The following ITPR2 variants were observed in gnomAD, a reference collection of about 807,000 sequenced individuals.
The protein encoded by ITPR2 is inositol 1,4,5-trisphosphate receptor type 2.
In ITPR2, 207 loss-of-function variants were observed where a neutral mutation model predicts 317.1. The ratio of observed to expected loss-of-function variants is 0.65; its 90% confidence interval spans 0.58 to 0.73. ITPR2 has a LOEUF of 0.73. Ranked by LOEUF, ITPR2 falls within the 30% of genes least tolerant of loss-of-function variation. The pLI, the probability that ITPR2 is intolerant of heterozygous loss-of-function variation, is 0.00. For synonymous variants in ITPR2, 1,156 were observed against 1,149.1 expected, an observed-to-expected ratio of 1.01 and a Z score of -0.12; for missense variants, 2,613 against 3,284.0, an observed-to-expected ratio of 0.80 and a Z score of 4.99.
chr12:26,653,462 G>C (rs561065462), intron 21 of ITPR2, among the ~76,000 whole-genome samples: 1 of 152,080 alleles, frequency 6.6e-6, no homozygotes, highest in South Asian at 2.1e-4. Flanking sequence ...GGATGGTCTC[G>C]ATCTCCTGAC....
chr12:26,606,205 G>C (rs888853482), intron 26 of ITPR2, among the ~76,000 whole-genome samples: 12 of 150,230 alleles, frequency 8.0e-5, no homozygotes, highest in African/African-American at 2.9e-4. Context: ...AAAAAAAAGT[G>C]TGACACTTAG....
intron 13 of ITPR2, 83 bp downstream of exon 13, chr12:26,681,791 C>T: frequency 3.0e-6 from 3 of 993,894 alleles, no homozygotes; most frequent in Non-Finnish European, 4.6e-6. Context: ...TGAATATTCC[C>T]TTAGAGTCAT....
intron 1 of ITPR2, among the ~76,000 whole-genome samples, chr12:26,811,403 G>A (rs1408698019): frequency 6.6e-6 from 1 of 151,830 alleles, no homozygotes; most frequent in East Asian, 1.9e-4. Flanking sequence ...GAGGTCAGGA[G>A]ATCGAGACCA....
At chr12:26,518,502 C>T (rs926841398) in intron 37 of ITPR2, among the ~76,000 whole-genome samples, 3 of 151,944 alleles carry the variant, frequency 2.0e-5, no homozygotes, top group Admixed American at 6.6e-5. Flanking sequence ...AACACATGTA[C>T]CCCCGAACCT....
intron 45 of ITPR2, among the ~76,000 whole-genome samples, chr12:26,455,886 T>A (rs548658145): frequency 6.6e-6 from 1 of 152,306 alleles, no homozygotes; most frequent in East Asian, 1.9e-4. Context: ...AGTAAAACAA[T>A]GTTATTAATA....
At chr12:26,353,604 T>C (rs1938546175) in intron 55 of ITPR2, among the ~76,000 whole-genome samples, 1 of 152,254 alleles carries the variant, frequency 6.6e-6, no homozygotes, top group African/African-American at 2.4e-5. Flanking sequence ...TACAACCATT[T>C]TGTGCTTTAG....
At chr12:26,488,704 C>T (rs1480128331) in intron 39 of ITPR2, among the ~76,000 whole-genome samples, 1 of 152,098 alleles carries the variant, frequency 6.6e-6, no homozygotes, top group Non-Finnish European at 1.5e-5. Context: ...ATGAATTAAG[C>T]AGATGATAAA....
chr12:26,490,522 G>A (rs181979188), intron 39 of ITPR2, among the ~76,000 whole-genome samples: 4 of 152,274 alleles, frequency 2.6e-5, no homozygotes, highest in Admixed American at 1.3e-4. Flanking sequence ...AAAATAAAGC[G>A]GCAGAAATGG....
chr12:26,350,426 C>T (rs753698151), intron 55 of ITPR2, among the ~76,000 whole-genome samples: 2 of 152,136 alleles, frequency 1.3e-5, no homozygotes, highest in Admixed American at 1.3e-4. Context: ...TACTAGCCCT[C>T]ATCTGCAAAT....
At chr12:26,577,327 G>T (rs955644041) in intron 34 of ITPR2, among the ~76,000 whole-genome samples, 1 of 152,212 alleles carries the variant, frequency 6.6e-6, no homozygotes, top group African/African-American at 2.4e-5. Context: ...GAGGTGAGGA[G>T]GGTATGTGCA....
rs1196506158 is a variant in ITPR2, at chr12:26,657,767, T to C, written c.2132A>G (p.His711Arg). Residue 711 changes from histidine (H) to arginine (R), a missense_variant, in exon 18 of 57, where the codon CAC (histidine) becomes CGC (arginine). Coordinates refer to ENST00000381340, the MANE Select transcript of ITPR2 (RefSeq NM_002223.4). ...GCCTTCTTTTGCCTCTTGAGCAAGG[T>C]GCCTGATAGCTTTGCCATGAGGTTC... ...NKEPHGKAIR[H>R]LAQEAKEGTK... is the part of the protein sequence containing the mutation. 5 of 1,614,046 alleles carry C rather than the reference T, an allele frequency of 3.1e-6. No individual in the cohort carries two copies. Among genetic ancestry groups the C allele is most frequent in the Non-Finnish European group, 4.2e-6 (5 of 1,180,034 alleles).
At chr12:26,401,103 C>T (rs960355109) in intron 52 of ITPR2, among the ~76,000 whole-genome samples, 3 of 152,004 alleles carry the variant, frequency 2.0e-5, no homozygotes, top group South Asian at 4.1e-4. Flanking sequence ...GTGGTGTGTG[C>T]CTGTAATCCT....
chr12:26,392,662 A>C (rs1939884429), intron 54 of ITPR2, among the ~76,000 whole-genome samples: 1 of 152,224 alleles, frequency 6.6e-6, no homozygotes, highest in South Asian at 2.1e-4. Context: ...TTGGAATGAA[A>C]ACTTGAACGG....
At chr12:26,567,941 A>ATATATATATAATATATATATATATATAT (rs1945018735) in intron 34 of ITPR2, among the ~76,000 whole-genome samples, 1 of 47,880 alleles carries the variant, frequency 2.1e-5, no homozygotes, top group Non-Finnish European at 4.7e-5. Flanking sequence ...ATTCTGGTAT[A>ATATATATATAATATATATATATATATAT]TATATATATT....
intron 55 of ITPR2, among the ~76,000 whole-genome samples, chr12:26,382,661 TCACACA>T (rs371539515): frequency 1.5e-4 from 20 of 129,836 alleles, no homozygotes; most frequent in Non-Finnish European, 3.3e-4. Context: ...CAAGAATTTG[TCACACA>T]CACACACACA....
intron 13 of ITPR2, among the ~76,000 whole-genome samples, chr12:26,669,723 C>A (rs1000179075): frequency 6.6e-6 from 1 of 152,210 alleles, no homozygotes; most frequent in Non-Finnish European, 1.5e-5. Flanking sequence ...GCGCACCATG[C>A]GCGAGCCGAA....
intron 10 of ITPR2, among the ~76,000 whole-genome samples, chr12:26,695,213 C>T (rs1948317480): frequency 6.6e-6 from 1 of 152,090 alleles, no homozygotes; most frequent in African/African-American, 2.4e-5. Flanking sequence ...GCCCAACATC[C>T]AGAGATTTTG....
chr12:26,788,575 T>C (rs559483330), intron 2 of ITPR2, among the ~76,000 whole-genome samples: 1 of 152,328 alleles, frequency 6.6e-6, no homozygotes, highest in Non-Finnish European at 1.5e-5. Flanking sequence ...GAACTCAGTG[T>C]GCCTCTTCCA....
chr12:26,355,766 G>T (rs1004284563), intron 55 of ITPR2, among the ~76,000 whole-genome samples: 6 of 152,026 alleles, frequency 3.9e-5, no homozygotes, highest in African/African-American at 1.4e-4. Context: ...TCTCTCTACT[G>T]GTCTCTGAGC....
Sources: gnomAD v4.1 joint callset for allele counts (sites outside exome capture counted in the v4.1 genomes callset) on GRCh38, gnomAD v4.1.1 for gene constraint, MANE v1.5 for transcripts, NCBI Gene and HGNC (gene_info 2026-07-23, HGNC 2026-07-21) for gene names.